ZBTB20: variants seen among roughly 807,000 people sequenced by gnomAD.
ZBTB20 encodes the protein zinc finger and BTB domain-containing protein 20.
A neutral mutation model predicts 56.9 loss-of-function variants in ZBTB20; 9 were observed. The ratio of observed to expected loss-of-function variants is 0.16; its 90% CI spans 0.10 to 0.28. The LOEUF is 0.28. ZBTB20 is among the 10% of genes least tolerant of loss of function. The pLI is 1.00. For missense variants in ZBTB20, 655 were observed against 1,003.0 expected, an observed-to-expected ratio of 0.65 and a Z score of 4.69; for synonymous variants, 417 against 420.7, an observed-to-expected ratio of 0.99 and a Z score of 0.11.
chr3:114,618,016 A>G (rs1048406797), intron 6 of ZBTB20, among the ~76,000 whole-genome samples: 3 of 151,470 alleles, frequency 2.0e-5, no homozygotes, highest in Admixed American at 6.6e-5. Context: ...TTACATATAT[A>G]TATATATTTT....
At chr3:114,944,519 T>G (rs1273432914) in intron 3 of ZBTB20, among the ~76,000 whole-genome samples, 1 of 145,678 alleles carries the variant, frequency 6.9e-6, no homozygotes, top group Non-Finnish European at 1.5e-5. Context: ...GTTGAAGAGA[T>G]ATCTGCTCTC....
At chr3:114,719,788 A>C (rs1157766017) in intron 5 of ZBTB20, among the ~76,000 whole-genome samples, 4 of 152,108 alleles carry the variant, frequency 2.6e-5, no homozygotes, top group Admixed American at 6.6e-5. Flanking sequence ...TTGATATCTG[A>C]GGTACAGGGT....
intron 3 of ZBTB20, among the ~76,000 whole-genome samples, chr3:114,970,400 A>T (rs959460798): frequency 2.6e-5 from 4 of 152,226 alleles, no homozygotes; most frequent in Non-Finnish European, 5.9e-5. Context: ...TATTTTAGGG[A>T]ATGGTAGACA....
At position 114,333,341 on chromosome 3, in the gene ZBTB20, T is replaced by C. The variant is rs1233375591; in HGVS notation, c.*5664A>G. ...TCCGTGCCCCTTTTCTGCCTCTGTA[T>C]GTAGCCTGAGCACCAGGGTAGAGAT... On this transcript the variant is annotated 3_prime_UTR_variant, in exon 12 of 12. Coordinates refer to ENST00000675478, the MANE Select transcript of ZBTB20 (RefSeq NM_001348800.3). 1 of 152,282 alleles carries C rather than the reference T, an allele frequency of 6.6e-6. No homozygotes were observed. The highest frequency in any genetic ancestry group is 6.5e-5 in the Admixed American group (1 of 15,294). The allele number at this position is 152,282 out of a possible 1,614,324, so 9.4% of individuals were successfully genotyped here.
intron 11 of ZBTB20, among the ~76,000 whole-genome samples, chr3:114,348,124 A>T (rs1404621405): frequency 6.6e-6 from 1 of 152,168 alleles, no homozygotes; most frequent in East Asian, 1.9e-4. Flanking sequence ...AAATTTAAAG[A>T]CTTATTTTAT....
chr3:114,632,979 A>T (rs567778743), intron 6 of ZBTB20, among the ~76,000 whole-genome samples: 3 of 152,312 alleles, frequency 2.0e-5, no homozygotes, highest in East Asian at 1.9e-4. Context: ...TTAGATGCAA[A>T]TTTTTTGACT....
In ZBTB20 at chr3:114,426,020, C is replaced by G. The variant is rs1323351019; in HGVS notation, c.-254-36915G>C. Among the ~76,000 whole-genome samples the G allele has an allele frequency of 4.6e-4, 70 of 152,126 alleles. 1 individual carries two copies. The highest frequency in any genetic ancestry group is 2.9e-5 in the Non-Finnish European group (2 of 68,018). On this transcript the variant is annotated intron_variant, in intron 7 of 11. Transcript: ENST00000675478. Reference sequence around the variant, plus strand: ...CTAATATTCTTGGCCAGCTCCTAATCACATTGTACCTAGGATATGAAAATT... The same window carrying G: ...CTAATATTCTTGGCCAGCTCCTAATGACATTGTACCTAGGATATGAAAATT...
At position 114,780,406 on chromosome 3, in the gene ZBTB20, G is replaced by A. The variant is rs149222215; in HGVS notation, c.-343+20695C>T. 5.4e-3 allele frequency among the ~76,000 whole-genome samples: 829 copies of A among 152,330 alleles called. 7 individuals are homozygous for A. The Middle Eastern group carries it at 0.058, about 11-fold the overall frequency. On this transcript the variant is annotated intron_variant, in intron 5 of 11. Transcript: ENST00000675478. ...AGAAAGGCTTTTTCATTGGTGCAGA[G>A]CACTAAGCAGAGATGCATTCTCTAA... is the stretch of plus-strand genomic sequence containing the variant.
rs146753788 is a variant in ZBTB20, at chr3:115,099,010, C to T, written c.-702-27596G>A. On this transcript the variant is annotated intron_variant, in intron 1 of 11. Transcript: ENST00000675478. ...TTTTATCAAATGAAGAGCAGTTTTA[C>T]TTTGACAAATCTGAAATAAAATTCC... Among the ~76,000 whole-genome samples the T allele has an allele frequency of 9.2e-5, 14 of 152,226 alleles. 1 individual carries two copies. The highest frequency in any genetic ancestry group is 3.4e-4 in the African/African-American group (14 of 41,540).
intron 6 of ZBTB20, among the ~76,000 whole-genome samples, chr3:114,641,498 G>T (rs2107918251): frequency 6.6e-6 from 1 of 151,178 alleles, no homozygotes; most frequent in East Asian, 1.9e-4. Context: ...TATAAAATAG[G>T]GTTTCTTATA....
At chr3:114,652,338 A>ACT (rs1288464244) in intron 6 of ZBTB20, among the ~76,000 whole-genome samples, 4 of 151,864 alleles carry the variant, frequency 2.6e-5, no homozygotes, top group African/African-American at 9.7e-5. Flanking sequence ...GTTGTATCAT[A>ACT]CTCTGTTTTG....
At chr3:115,118,089 T>C (rs1380772477) in intron 1 of ZBTB20, among the ~76,000 whole-genome samples, 2 of 152,250 alleles carry the variant, frequency 1.3e-5, no homozygotes, top group South Asian at 2.1e-4. Context: ...TGAGAACATA[T>C]ATAAAGTGTT....
intron 2 of ZBTB20, among the ~76,000 whole-genome samples, chr3:115,049,116 C>G (rs1288838506): frequency 6.6e-6 from 1 of 152,096 alleles, no homozygotes; most frequent in Non-Finnish European, 1.5e-5. Flanking sequence ...TTTCAGTGCT[C>G]TCTTAGCCAT....
At chr3:114,886,210 C>G (rs950474331) in intron 4 of ZBTB20, among the ~76,000 whole-genome samples, 3 of 152,174 alleles carry the variant, frequency 2.0e-5, no homozygotes, top group Admixed American at 2.0e-4. Flanking sequence ...TGAGTTTAGT[C>G]CTGTGTCAGC....
At chr3:114,711,636 G>T (rs949520214) in intron 5 of ZBTB20, among the ~76,000 whole-genome samples, 11 of 152,182 alleles carry the variant, frequency 7.2e-5, no homozygotes, top group African/African-American at 2.4e-4. Context: ...ACTGGTCCTG[G>T]TAAGTTAGAC....
At chr3:114,734,840 C>T (rs1172406096) in intron 5 of ZBTB20, among the ~76,000 whole-genome samples, 1 of 152,024 alleles carries the variant, frequency 6.6e-6, no homozygotes, top group Non-Finnish European at 1.5e-5. Flanking sequence ...GGAACCAAGC[C>T]TAGACAGGAT....
At position 114,456,085 on chromosome 3, in the gene ZBTB20, C is replaced by T. The variant is rs554901394; in HGVS notation, c.-255+44267G>A. ...TACCTCCCAAATAAGAAGATTACTCCACCTATATAGTTAGTGCACAAACCT... is the reference window on the plus strand; with the variant it reads ...TACCTCCCAAATAAGAAGATTACTCTACCTATATAGTTAGTGCACAAACCT... On this transcript the variant is annotated intron_variant, in intron 7 of 11. Transcript: ENST00000675478. Among the ~76,000 whole-genome samples, 8 of 152,130 alleles carry T rather than the reference C, an allele frequency of 5.3e-5. No homozygotes were observed. The East Asian group carries it at 1.4e-3, about 26-fold the overall frequency.
At chr3:115,056,222 T>C (rs2081775401) in intron 2 of ZBTB20, among the ~76,000 whole-genome samples, 1 of 151,978 alleles carries the variant, frequency 6.6e-6, no homozygotes, top group South Asian at 2.1e-4. Flanking sequence ...CTAGTAAACA[T>C]ATAAAGAGAT....
chr3:114,455,712 A>T (rs1384874250), intron 7 of ZBTB20, among the ~76,000 whole-genome samples: 3 of 152,148 alleles, frequency 2.0e-5, no homozygotes, highest in African/African-American at 7.2e-5. Context: ...GCACGATCTC[A>T]TCTAAAAAGG....
Sources: allele counts gnomAD v4.1 joint callset (sites outside exome capture counted in the v4.1 genomes callset), GRCh38; gene constraint gnomAD v4.1.1; transcripts MANE v1.5; gene names NCBI Gene and HGNC (gene_info 2026-07-23, HGNC 2026-07-21).